The following CADM2 variants were observed in gnomAD, a reference collection of about 807,000 sequenced individuals.
CADM2 encodes the protein cell adhesion molecule 2, also known as immunoglobulin superfamily member 4D.
CADM2 carries 12 observed loss-of-function variants against 49.8 expected under a neutral mutation model. The observed-to-expected ratio is 0.24, with a 90% confidence interval of 0.15 to 0.39. CADM2 has a LOEUF of 0.39. Among genes scored for constraint, CADM2 ranks in the 10% least tolerant of loss-of-function variants. The pLI is 1.00. For synonymous variants in CADM2, 214 were observed against 175.4 expected (o/e 1.22, Z -1.74); for missense variants, 378 against 492.3 (o/e 0.77, Z 2.20).
At chr3:85,805,331 T>C (rs1202180017) in intron 3 of CADM2, 1 of 152,184 alleles carries the variant, frequency 6.6e-6, no homozygotes, top group Non-Finnish European at 1.5e-5. Context: ...TTTGTGTTTG[T>C]AGTATGATAG....
intron 1 of CADM2, among the ~76,000 whole-genome samples, chr3:85,588,768 A>G (rs1328186392): frequency 6.6e-6 from 1 of 152,012 alleles, no homozygotes; most frequent in African/African-American, 2.4e-5. Flanking sequence ...AAATGTCAGC[A>G]TCAGGGCAGA....
chr3:85,611,708 C>CTTT (rs201572143), intron 1 of CADM2, among the ~76,000 whole-genome samples: 8 of 146,996 alleles, frequency 5.4e-5, no homozygotes, highest in African/African-American at 2.0e-4. Flanking sequence ...CAGAGGAATA[C>CTTT]TTTTTTTTTT....
chr3:85,762,674 C>T (rs903992243), intron 2 of CADM2, among the ~76,000 whole-genome samples: 1 of 149,380 alleles, frequency 6.7e-6, no homozygotes, highest in African/African-American at 2.5e-5. Flanking sequence ...TTCATTTTTA[C>T]CATAAAGGCA....
intron 1 of CADM2, among the ~76,000 whole-genome samples, chr3:85,551,645 T>C (rs1293638248): frequency 6.6e-6 from 1 of 152,204 alleles, no homozygotes; most frequent in Non-Finnish European, 1.5e-5. Context: ...TTAAAATATA[T>C]GTACAGAACT....
At chr3:85,339,543 T>C (rs1576375615) in intron 1 of CADM2, among the ~76,000 whole-genome samples, 1 of 131,874 alleles carries the variant, frequency 7.6e-6, no homozygotes, top group Admixed American at 7.1e-5. Flanking sequence ...TTTTTTCTCC[T>C]TTTTTTTCTT....
chr3:85,391,431 G>A (rs1030232159), intron 1 of CADM2, among the ~76,000 whole-genome samples: 1 of 151,916 alleles, frequency 6.6e-6, no homozygotes, highest in African/African-American at 2.4e-5. Context: ...ATTTTCTGGT[G>A]GAAACAGAAC....
At chr3:85,080,619 A>G (rs140580133) in intron 1 of CADM2, among the ~76,000 whole-genome samples, 95 of 152,182 alleles carry the variant, frequency 6.2e-4, no homozygotes, top group African/African-American at 2.1e-3. Context: ...TGAAATATCA[A>G]AAATCTTCAT....
intron 1 of CADM2, among the ~76,000 whole-genome samples, chr3:85,292,730 T>C (rs1434798983): frequency 2.6e-5 from 4 of 152,134 alleles, no homozygotes; most frequent in Non-Finnish European, 4.4e-5. Flanking sequence ...AAAGATGTTC[T>C]TTGAAATCAA....
chr3:85,681,252 C>G (rs956415305), intron 1 of CADM2, among the ~76,000 whole-genome samples: 5 of 152,040 alleles, frequency 3.3e-5, no homozygotes, highest in African/African-American at 1.2e-4. Flanking sequence ...CATGAGATGA[C>G]GTTACCATAT....
At chr3:85,927,827 G>A (rs909118963) in intron 6 of CADM2, among the ~76,000 whole-genome samples, 6 of 137,624 alleles carry the variant, frequency 4.4e-5, no homozygotes, top group South Asian at 2.3e-4. Flanking sequence ...AAAGAAATAC[G>A]TTGTTTTTTA....
At chr3:85,212,458 A>G (rs913663452) in intron 1 of CADM2, among the ~76,000 whole-genome samples, 3 of 152,052 alleles carry the variant, frequency 2.0e-5, no homozygotes, top group African/African-American at 7.2e-5. Flanking sequence ...TTTAGATTTC[A>G]GGTTACTATG....
intron 1 of CADM2, among the ~76,000 whole-genome samples, chr3:85,022,187 G>C (rs1377391779): frequency 3.9e-5 from 6 of 152,164 alleles, no homozygotes; most frequent in African/African-American, 1.4e-4. Flanking sequence ...TTCTAAATTT[G>C]TTCACAAGAA....
intron 1 of CADM2, among the ~76,000 whole-genome samples, chr3:85,173,289 GCTTT>G (rs1250883633): frequency 6.6e-6 from 1 of 152,038 alleles, no homozygotes; most frequent in Non-Finnish European, 1.5e-5. Flanking sequence ...TTATGTAGAG[GCTTT>G]CTAAGACTTC....
At chr3:85,729,035 T>C (rs545039517) in intron 2 of CADM2, among the ~76,000 whole-genome samples, 1 of 152,314 alleles carries the variant, frequency 6.6e-6, no homozygotes, top group South Asian at 2.1e-4. Context: ...CTTTGCTTAT[T>C]TCTGTAGAAA....
intron 2 of CADM2, among the ~76,000 whole-genome samples, chr3:85,801,692 T>C (rs2072048984): frequency 6.6e-6 from 1 of 152,202 alleles, no homozygotes; most frequent in South Asian, 2.1e-4. Flanking sequence ...TCCAAAATTA[T>C]TTCAGTGCTT....
chr3:85,530,638 A>G (rs1256882161), intron 1 of CADM2, among the ~76,000 whole-genome samples: 2 of 151,906 alleles, frequency 1.3e-5, no homozygotes, highest in African/African-American at 4.8e-5. Context: ...CCACTTTTCT[A>G]TATAAATTAC....
chr3:85,175,035 A>G (rs1254181119), intron 1 of CADM2, among the ~76,000 whole-genome samples: 1 of 152,200 alleles, frequency 6.6e-6, no homozygotes, highest in African/African-American at 2.4e-5. Context: ...GATCAATATC[A>G]CTAGTCATTA....
intron 1 of CADM2, among the ~76,000 whole-genome samples, chr3:85,609,074 T>C (rs1403137497): frequency 2.0e-5 from 3 of 152,098 alleles, no homozygotes; most frequent in African/African-American, 7.2e-5. Context: ...GTTTTTTCAA[T>C]AGCTGTTTCT....
chr3:85,374,900 G>T (rs931562055), intron 1 of CADM2, among the ~76,000 whole-genome samples: 1 of 152,078 alleles, frequency 6.6e-6, no homozygotes, highest in Admixed American at 6.6e-5. Context: ...GATGAGATTT[G>T]GGTGGGGACA....
Sources: gnomAD v4.1 joint callset for allele counts (sites outside exome capture counted in the v4.1 genomes callset) on GRCh38, gnomAD v4.1.1 for gene constraint, MANE v1.5 for transcripts, NCBI Gene and HGNC (gene_info 2026-07-23, HGNC 2026-07-21) for gene names.